GRM7: variants seen among roughly 807,000 people sequenced by gnomAD.
GRM7 encodes metabotropic glutamate receptor 7.
GRM7 carries 35 observed loss-of-function variants against 84.5 expected under a neutral mutation model. The ratio of observed to expected loss-of-function variants is 0.41; its 90% CI spans 0.32 to 0.55. GRM7 has a LOEUF of 0.55. Among genes scored for constraint, GRM7 ranks in the 20% least tolerant of loss-of-function variants. GRM7 has a pLI of 0.19. For missense variants in GRM7, 1,003 were observed against 1,194.6 expected (o/e 0.84, Z 2.36); for synonymous variants, 487 against 455.1 (o/e 1.07, Z -0.89).
chr3:7,612,465 A>T (rs1559438972), intron 8 of GRM7, among the ~76,000 whole-genome samples: 1 of 152,190 alleles, frequency 6.6e-6, no homozygotes, highest in Non-Finnish European at 1.5e-5. Context: ...GAATGAGTGG[A>T]ATCAGGGTAG....
At chr3:7,018,089 A>G (rs1281780055) in intron 1 of GRM7, among the ~76,000 whole-genome samples, 3 of 152,256 alleles carry the variant, frequency 2.0e-5, no homozygotes, top group African/African-American at 7.2e-5. Context: ...GATAAGAAAA[A>G]GGATACCAAG....
chr3:7,534,235 A>T (rs1408847110), intron 7 of GRM7, among the ~76,000 whole-genome samples: 4 of 152,102 alleles, frequency 2.6e-5, no homozygotes, highest in Non-Finnish European at 5.9e-5. Flanking sequence ...GCTGGTCTTG[A>T]ACTCCTGATC....
At chr3:6,956,848 T>C (rs992172259) in intron 1 of GRM7, among the ~76,000 whole-genome samples, 2 of 152,220 alleles carry the variant, frequency 1.3e-5, no homozygotes, top group Non-Finnish European at 2.9e-5. Flanking sequence ...CAGTCATTGA[T>C]TGTATTTTAA....
rs374087222 is a variant in GRM7 at position 7,279,783 on chromosome 3, C to A, written c.737-18901C>A. 2.6e-5 allele frequency among the ~76,000 whole-genome samples: 4 copies of A among 152,218 alleles called. No homozygotes were observed. In the East Asian group the frequency reaches 5.8e-4, roughly 22 times the overall value. ...TCTATTTGGTGTGTGTGCTTGTGGG[C>A]ATGGTCTGTGTTTATGTCTGTGTGT... On this transcript the variant is annotated intron_variant, in intron 2 of 9. Transcript: ENST00000357716.
At chr3:7,396,756 C>G (rs905132425) in intron 4 of GRM7, among the ~76,000 whole-genome samples, 1 of 152,106 alleles carries the variant, frequency 6.6e-6, no homozygotes, top group Non-Finnish European at 1.5e-5. Flanking sequence ...TTATCTGATG[C>G]AAGTGGTGCC....
chr3:6,891,691 A>G (rs1055806963), intron 1 of GRM7, among the ~76,000 whole-genome samples: 22 of 152,056 alleles, frequency 1.4e-4, no homozygotes, highest in African/African-American at 3.4e-4. Context: ...CAACTTTGGC[A>G]AATCTGACAA....
intron 7 of GRM7, among the ~76,000 whole-genome samples, chr3:7,483,604 A>T (rs905578375): frequency 1.3e-5 from 2 of 152,170 alleles, no homozygotes; most frequent in African/African-American, 4.8e-5. Context: ...TAAAAGGACA[A>T]TAGAAAGCCG....
intron 2 of GRM7, among the ~76,000 whole-genome samples, chr3:7,265,266 G>T (rs1189924472): frequency 6.6e-6 from 1 of 152,158 alleles, no homozygotes; most frequent in East Asian, 1.9e-4. Flanking sequence ...TTGACTTTAA[G>T]GTAATTGTAG....
At chr3:7,677,280 A>AAAAC (rs1559481664) in intron 8 of GRM7, among the ~76,000 whole-genome samples, 1 of 148,776 alleles carries the variant, frequency 6.7e-6, no homozygotes, top group African/African-American at 2.6e-5. Context: ...AAAAAAAAAA[A>AAAAC]AAAAAAAAAA....
chr3:7,097,990 C>T (rs79244762), intron 1 of GRM7, among the ~76,000 whole-genome samples: 1 of 152,034 alleles, frequency 6.6e-6, no homozygotes, highest in Non-Finnish European at 1.5e-5. Flanking sequence ...CCTGATGACA[C>T]ACACTAAAAT....
intron 9 of GRM7, among the ~76,000 whole-genome samples, chr3:7,709,893 C>G (rs1308521567): frequency 1.5e-4 from 23 of 152,090 alleles, no homozygotes; most frequent in Non-Finnish European, 2.2e-4. Flanking sequence ...CCAGGTCCAC[C>G]TTTCATTCCC....
At chr3:7,476,713 A>T (rs923862407) in intron 7 of GRM7, among the ~76,000 whole-genome samples, 7 of 152,184 alleles carry the variant, frequency 4.6e-5, no homozygotes, top group African/African-American at 1.7e-4. Context: ...CTCCTTCCAG[A>T]ATCAGATGGC....
At chr3:7,738,728 T>C (rs1355207170) in intron 9 of GRM7, among the ~76,000 whole-genome samples, 1 of 146,494 alleles carries the variant, frequency 6.8e-6, no homozygotes, top group Non-Finnish European at 1.5e-5. Flanking sequence ...GTTTTCTTTT[T>C]TTTTTTTTTT....
chr3:7,053,541 CA>C (rs1383884449), intron 1 of GRM7, among the ~76,000 whole-genome samples: 1 of 151,562 alleles, frequency 6.6e-6, no homozygotes, highest in African/African-American at 2.4e-5. Context: ...TTCACTTTGT[CA>C]ATTTTTATGT....
chr3:7,256,189 T>C (rs189745051), intron 2 of GRM7, among the ~76,000 whole-genome samples: 1 of 152,314 alleles, frequency 6.6e-6, no homozygotes, highest in Admixed American at 6.5e-5. Flanking sequence ...AGGGCTCTTC[T>C]CAACTATCAC....
At chr3:7,353,409 T>C (rs1034478546) in intron 4 of GRM7, among the ~76,000 whole-genome samples, 2 of 151,970 alleles carry the variant, frequency 1.3e-5, no homozygotes, top group African/African-American at 4.8e-5. Context: ...TAAACAGAGA[T>C]TCTGGATCAG....
intron 4 of GRM7, among the ~76,000 whole-genome samples, chr3:7,398,098 G>A (rs551765551): frequency 9.2e-5 from 14 of 152,280 alleles, no homozygotes; most frequent in African/African-American, 2.4e-4. Context: ...GTTGCCATGT[G>A]GGAATGACTT....
chr3:7,559,779 C>T (rs1352079461), intron 7 of GRM7, among the ~76,000 whole-genome samples: 1 of 152,076 alleles, frequency 6.6e-6, no homozygotes, highest in African/African-American at 2.4e-5. Flanking sequence ...GACTTAAACC[C>T]AGAAATTTAT....
intron 8 of GRM7, among the ~76,000 whole-genome samples, chr3:7,657,256 C>G (rs777838998): frequency 8.5e-5 from 13 of 152,110 alleles, no homozygotes; most frequent in Non-Finnish European, 1.5e-4. Context: ...TAAGTAGAAA[C>G]AGTCTAAATT....
Sources: allele counts gnomAD v4.1 joint callset (sites outside exome capture counted in the v4.1 genomes callset), GRCh38; gene constraint gnomAD v4.1.1; transcripts MANE v1.5; gene names NCBI Gene and HGNC (gene_info 2026-07-23, HGNC 2026-07-21).